Variants in EFHC2 observed in about 807,000 individuals in gnomAD.
EFHC2 encodes EF-hand domain containing 2, also known as EF-hand domain-containing family member C2.
A neutral mutation model predicts 52.7 loss-of-function variants in EFHC2; 18 were observed. That is an observed-to-expected ratio of 0.34 (90% CI 0.24 to 0.51). EFHC2 has a LOEUF of 0.51. EFHC2 is among the 20% of genes least tolerant of loss of function. The pLI is 0.97. For synonymous variants in EFHC2, 203 were observed against 204.1 expected (o/e 0.99, Z 0.04); for missense variants, 513 against 562.5 (o/e 0.91, Z 0.89).
At chrX:44,325,154 T>C (rs1773704674) in intron 1 of EFHC2, among the ~76,000 whole-genome samples, 1 of 111,698 alleles carries the variant, frequency 9.0e-6, no homozygotes, top group Admixed American at 9.6e-5. Context: ...AACTAACGCA[T>C]TGAGAATTTG....
At chrX:44,156,056 G>A (rs1048005320) in intron 14 of EFHC2, among the ~76,000 whole-genome samples, 2 of 112,294 alleles carry the variant, frequency 1.8e-5, no homozygotes, top group Non-Finnish European at 3.8e-5. Flanking sequence ...AAAGACAGGC[G>A]TAGTTTCTAA....
At chrX:44,157,360 T>C (rs771746561) in intron 14 of EFHC2, among the ~76,000 whole-genome samples, 37 of 111,061 alleles carry the variant, frequency 3.3e-4, no homozygotes, top group Non-Finnish European at 6.8e-4. Flanking sequence ...TGGTAACAAA[T>C]AGATTGTGCT....
chrX:44,339,958 T>C (rs1160671668), intron 1 of EFHC2, among the ~76,000 whole-genome samples: 1 of 112,120 alleles, frequency 8.9e-6, no homozygotes, highest in Non-Finnish European at 1.9e-5. Flanking sequence ...TATACTAGGA[T>C]ACTCAATAAA....
At chrX:44,237,446 T>C (rs1468237437) in intron 8 of EFHC2, among the ~76,000 whole-genome samples, 1 of 111,884 alleles carries the variant, frequency 8.9e-6, no homozygotes, top group Non-Finnish European at 1.9e-5. Context: ...GATGGTTGTT[T>C]TAAAAATGTG....
intron 11 of EFHC2, among the ~76,000 whole-genome samples, chrX:44,223,505 C>CT (rs5902343): frequency 0.43 from 44,473 of 104,068 alleles, 7,279 homozygotes; most frequent in Admixed American, 0.48. Flanking sequence ...TAATAAATTC[C>CT]TTTTTTTTTT....
At chrX:44,242,434 T>C in intron 7 of EFHC2, 145 bp from the exon 8 acceptor site, 3 of 586,288 alleles carry the variant, frequency 5.1e-6, no homozygotes, top group Non-Finnish European at 7.5e-6. Context: ...AGCAAAATCC[T>C]GTGAGAGTAC....
chrX:44,329,179 G>A (rs147745133), intron 1 of EFHC2, among the ~76,000 whole-genome samples: 3 of 111,277 alleles, frequency 2.7e-5, no homozygotes, highest in African/African-American at 6.5e-5. Context: ...ACAAACTAAC[G>A]CATGCAGTCT....
intron 1 of EFHC2, among the ~76,000 whole-genome samples, chrX:44,343,297 A>G (rs1465528177): frequency 1.8e-5 from 2 of 111,991 alleles, no homozygotes; most frequent in Non-Finnish European, 3.8e-5. Flanking sequence ...TATCGTCACT[A>G]TTATTTGTTA....
chrX:44,310,263 A>G, intron 2 of EFHC2: 1 of 1,014,437 alleles, frequency 9.9e-7, no homozygotes, highest in Non-Finnish European at 1.4e-6. Flanking sequence ...TCCTCTCAGC[A>G]GCGGCTCATC....
At chrX:44,309,417 T>C (rs2037928767) in intron 2 of EFHC2, 2 of 1,015,524 alleles carry the variant, frequency 2.0e-6, no homozygotes, top group East Asian at 6.1e-5. Flanking sequence ...AGTCTTTCAG[T>C]GAAATATTCT....
intron 10 of EFHC2, among the ~76,000 whole-genome samples, chrX:44,230,431 A>G (rs2037267642): frequency 9.0e-6 from 1 of 111,541 alleles, no homozygotes; most frequent in South Asian, 3.8e-4. Flanking sequence ...TATTGATGGC[A>G]ATTTAGTCTA....
At chrX:44,232,804 T>C (rs2037289321) in intron 9 of EFHC2, 127 bp from the exon 10 acceptor site, 1 of 544,371 alleles carries the variant, frequency 1.8e-6, no homozygotes, top group African/African-American at 2.4e-5. Flanking sequence ...ATATTGCCTG[T>C]TATTTTTGGA....
chrX:44,244,208 T>C (rs987430456), intron 7 of EFHC2, among the ~76,000 whole-genome samples: 13 of 112,139 alleles, frequency 1.2e-4, no homozygotes, highest in Non-Finnish European at 5.6e-5. Context: ...CACAGTGCCA[T>C]CTAGTGTATA....
chrX:44,210,906 A>T (rs7885514), intron 11 of EFHC2, among the ~76,000 whole-genome samples: 8,553 of 111,910 alleles, frequency 0.076, 286 homozygotes, highest in Admixed American at 0.16. Context: ...AATAGAAAAC[A>T]TTTGGCAATC....
rs528643451 is a variant in EFHC2 at position 44,241,697 on chromosome X, T to A, written c.1280+424A>T. ...TTATTGGAACACAGTCACACAATCA[T>A]TTACATTCTGTCTGTGGTGCTTTCA... On this transcript the variant is annotated intron_variant, in intron 8 of 14. Transcript: ENST00000420999. Among the ~76,000 whole-genome samples the A allele has an allele frequency of 1.3e-4, 15 of 112,784 alleles. No homozygotes were observed. In the South Asian group the frequency reaches 4.4e-3, roughly 33 times the overall value.
chrX:44,224,485 A>G (rs941278867), intron 11 of EFHC2, among the ~76,000 whole-genome samples: 7 of 112,205 alleles, frequency 6.2e-5, no homozygotes, highest in Non-Finnish European at 1.1e-4. Context: ...CAACTCCAAA[A>G]CCAGTGATAA....
chrX:44,191,489 G>A (rs943513628), intron 11 of EFHC2, among the ~76,000 whole-genome samples: 5 of 111,445 alleles, frequency 4.5e-5, no homozygotes, highest in South Asian at 7.5e-4. Context: ...CACCTGCTTC[G>A]GCCTCCCAAC....
At chrX:44,175,268 C>G (rs2036777388) in intron 13 of EFHC2, among the ~76,000 whole-genome samples, 1 of 111,922 alleles carries the variant, frequency 8.9e-6, no homozygotes, top group Non-Finnish European at 1.9e-5. Flanking sequence ...TGGATTTAAA[C>G]ATTTAGACAC....
intron 1 of EFHC2, among the ~76,000 whole-genome samples, chrX:44,317,500 A>G (rs2037990726): frequency 8.9e-6 from 1 of 112,923 alleles, no homozygotes; most frequent in Non-Finnish European, 1.9e-5. Flanking sequence ...CAAAAGTACA[A>G]TGAAGCCTGG....
Sources: allele counts gnomAD v4.1 joint callset (sites outside exome capture counted in the v4.1 genomes callset), GRCh38; gene constraint gnomAD v4.1.1; transcripts MANE v1.5; gene names NCBI Gene and HGNC (gene_info 2026-07-23, HGNC 2026-07-21).